The following TMEM154 variants were observed in gnomAD, a reference collection of about 807,000 sequenced individuals.
TMEM154 encodes transmembrane protein 154.
In TMEM154, 27 loss-of-function variants were observed where a neutral mutation model predicts 24.5. The observed-to-expected ratio is 1.10, with a 90% CI of 0.81 to 1.52. The LOEUF is 1.52. TMEM154 is among the 40% of genes most tolerant of loss of function. The pLI is 0.00. For synonymous variants in TMEM154, 67 were observed against 76.8 expected (o/e 0.87, Z 0.67); for missense variants, 228 against 213.4 (o/e 1.07, Z -0.43).
At chr4:152,653,582 G>T (rs926452949) in intron 1 of TMEM154, among the ~76,000 whole-genome samples, 1 of 151,124 alleles carries the variant, frequency 6.6e-6, no homozygotes, top group African/African-American at 2.4e-5. Flanking sequence ...TAGAGACAGG[G>T]TTTCACCATG....
Position 152,632,959 on chromosome 4 carries a change from T to C in TMEM154, c.537-4398A>G, listed in dbSNP as rs941286199. 5.3e-5 allele frequency among the ~76,000 whole-genome samples: 8 copies of C among 152,156 alleles called. No individual in the cohort carries two copies. In the South Asian group the frequency reaches 1.0e-3, roughly 20 times the overall value. ...CAGGTGAAATACCATACTCCAGGCC[T>C]GACACACAGACACATGAATGAATGT... On this transcript the variant is annotated intron_variant, in intron 6 of 6. Coordinates refer to ENST00000304385, the MANE Select transcript of TMEM154 (RefSeq NM_152680.3).
intron 1 of TMEM154, among the ~76,000 whole-genome samples, chr4:152,664,568 A>G (rs1728680397): frequency 6.6e-6 from 1 of 152,258 alleles, no homozygotes; most frequent in South Asian, 2.1e-4. Flanking sequence ...ATATGTTATA[A>G]AACTGCAACC....
At chr4:152,630,985 T>A (rs1027882206) in intron 6 of TMEM154, among the ~76,000 whole-genome samples, 3 of 152,172 alleles carry the variant, frequency 2.0e-5, no homozygotes, top group African/African-American at 7.2e-5. Flanking sequence ...AATCAAAAAC[T>A]TTTTTTAGCC....
At chr4:152,665,942 C>T (rs1313205586) in intron 1 of TMEM154, among the ~76,000 whole-genome samples, 2 of 152,048 alleles carry the variant, frequency 1.3e-5, no homozygotes, top group Non-Finnish European at 2.9e-5. Context: ...CGTGCGCCAC[C>T]ACGCCTGACT....
chr4:152,654,894 T>C (rs976628334), intron 1 of TMEM154, among the ~76,000 whole-genome samples: 1 of 152,214 alleles, frequency 6.6e-6, no homozygotes, highest in Admixed American at 6.5e-5. Flanking sequence ...TATGAATAAA[T>C]ACTTTCAGTC....
chr4:152,641,019 T>C (rs375733918), intron 5 of TMEM154, 34 bp from the exon 6 acceptor site: 3 of 1,591,584 alleles, frequency 1.9e-6, no homozygotes, highest in Non-Finnish European at 2.6e-6. Context: ...CATTGTTAGT[T>C]ACTGAAATCG....
At chr4:152,667,377 A>G (rs1728741440) in intron 1 of TMEM154, among the ~76,000 whole-genome samples, 1 of 152,248 alleles carries the variant, frequency 6.6e-6, no homozygotes, top group South Asian at 2.1e-4. Context: ...GGAATTGCTT[A>G]ATAACAACTT....
At chr4:152,677,236 T>A (rs965030755) in intron 1 of TMEM154, among the ~76,000 whole-genome samples, 1 of 152,252 alleles carries the variant, frequency 6.6e-6, no homozygotes, top group Admixed American at 6.5e-5. Context: ...CTCAATTCTA[T>A]GTCAGGCTAT....
chr4:152,671,473 C>A (rs546360707), intron 1 of TMEM154, among the ~76,000 whole-genome samples: 1 of 152,014 alleles, frequency 6.6e-6, no homozygotes, highest in Non-Finnish European at 1.5e-5. Context: ...CTAGGCCGGG[C>A]GCGGTGGCTC....
At chr4:152,639,286 C>A (rs1362975945) in intron 6 of TMEM154, among the ~76,000 whole-genome samples, 1 of 152,126 alleles carries the variant, frequency 6.6e-6, no homozygotes, top group Non-Finnish European at 1.5e-5. Flanking sequence ...CACTGCCATA[C>A]AATTCTGTAA....
intron 1 of TMEM154, among the ~76,000 whole-genome samples, chr4:152,667,520 G>T (rs1477584376): frequency 2.6e-5 from 4 of 152,204 alleles, no homozygotes; most frequent in Non-Finnish European, 5.9e-5. Flanking sequence ...TCGAGAAGAG[G>T]AGGGATTGCT....
intron 1 of TMEM154, among the ~76,000 whole-genome samples, chr4:152,653,583 T>C (rs959480472): frequency 6.7e-6 from 1 of 149,264 alleles, no homozygotes; most frequent in Admixed American, 6.7e-5. Context: ...AGAGACAGGG[T>C]TTCACCATGT....
chr4:152,647,754 C>T (rs1331478628), intron 3 of TMEM154, among the ~76,000 whole-genome samples: 1 of 152,174 alleles, frequency 6.6e-6, no homozygotes, highest in East Asian at 1.9e-4. Flanking sequence ...AATAAGCTAG[C>T]ACTTAGCACT....
intron 1 of TMEM154, chr4:152,669,630 A>ATAAG (rs1475111758): frequency 1.3e-5 from 2 of 152,234 alleles, no homozygotes; most frequent in East Asian, 3.8e-4. Context: ...GCAAACAAGT[A>ATAAG]TAAGTCTTAG....
intron 6 of TMEM154, 85 bp downstream of exon 6, chr4:152,640,843 G>A: frequency 1.7e-6 from 2 of 1,185,574 alleles, no homozygotes; most frequent in African/African-American, 1.6e-5. Flanking sequence ...GCACGGAGGA[G>A]GTAAGCAAAA....
chr4:152,626,796 A>G lies in TMEM154; in HGVS notation c.*1750T>C, dbSNP rs988733849. ...GGCTCTTCTGAGAGTCAAAATGTTG[A>G]TGAGAAACAAACTGAAAGTAGCACA... is the stretch of plus-strand genomic sequence containing the variant. On this transcript the variant is annotated 3_prime_UTR_variant, in exon 7 of 7. Transcript: ENST00000304385. 6.6e-6 allele frequency: 1 copy of G among 152,208 alleles called. No individual in the cohort carries two copies. Among genetic ancestry groups the G allele is most frequent in the Non-Finnish European group, 1.5e-5 (1 of 68,026 alleles). The allele number at this position is 152,208 out of a possible 1,614,324, so 9.4% of individuals were successfully genotyped here.
rs1751812252 is a variant in TMEM154 at position 152,619,431 on chromosome 4, T to TTTGAGAAGAACAAAC, written c.*9114_*9115insGTTTGTTCTTCTCAA. 1 of 151,696 alleles carries TTTGAGAAGAACAAAC rather than the reference T, an allele frequency of 6.6e-6. No individual in the cohort carries two copies. Among genetic ancestry groups the TTTGAGAAGAACAAAC allele is most frequent in the East Asian group, 1.9e-4 (1 of 5,144 alleles). The allele number at this position is 151,696 out of a possible 1,614,324, so 9.4% of individuals were successfully genotyped here. A position where few individuals can be genotyped will look rare whatever the true frequency, so the allele number is the denominator to read the frequency against. ...AACGGTGCCTGCAACAAATCCCTTA[T>TTTGAGAAGAACAAAC]CCCACTTGCTCTTCTCATAATGTGG... is the stretch of plus-strand genomic sequence containing the variant. On this transcript the variant is annotated 3_prime_UTR_variant, in exon 7 of 7. Coordinates refer to ENST00000304385, the MANE Select transcript of TMEM154 (RefSeq NM_152680.3).
chr4:152,677,993 G>A (rs1728981929), intron 1 of TMEM154, among the ~76,000 whole-genome samples: 2 of 152,180 alleles, frequency 1.3e-5, no homozygotes, highest in Non-Finnish European at 2.9e-5. Context: ...CAGCAGGTAC[G>A]AGTAGAGCTC....
intron 1 of TMEM154, among the ~76,000 whole-genome samples, chr4:152,665,988 C>A (rs977743982): frequency 1.3e-5 from 2 of 152,216 alleles, no homozygotes; most frequent in African/African-American, 4.8e-5. Flanking sequence ...GGGAGTCTCA[C>A]TTTGTTACCC....
Sources: gnomAD v4.1 joint callset for allele counts (sites outside exome capture counted in the v4.1 genomes callset) on GRCh38, gnomAD v4.1.1 for gene constraint, MANE v1.5 for transcripts, NCBI Gene and HGNC (gene_info 2026-07-23, HGNC 2026-07-21) for gene names.